CSMD1: variants seen among roughly 807,000 people sequenced by gnomAD.
CSMD1 encodes CUB and sushi domain-containing protein 1.
In CSMD1, 213 loss-of-function variants were observed where a neutral mutation model predicts 417.5. The ratio of observed to expected loss-of-function variants is 0.51; its 90% confidence interval spans 0.46 to 0.57. CSMD1 has a LOEUF of 0.57. CSMD1 is among the 20% of genes least tolerant of loss of function. The pLI is 0.00. For missense variants in CSMD1, 6,923 were observed against 4,529.7 expected (o/e 1.53, Z -15.17); for synonymous variants, 2,862 against 1,736.8 (o/e 1.65, Z -16.11).
intron 1 of CSMD1, among the ~76,000 whole-genome samples, chr8:4,730,947 C>T (rs1280492090): frequency 4.6e-5 from 7 of 152,152 alleles, no homozygotes; most frequent in African/African-American, 1.7e-4. Context: ...GGCCAGTGTT[C>T]CTGCCTATTG....
At chr8:3,895,166 C>G (rs560936676) in intron 5 of CSMD1, among the ~76,000 whole-genome samples, 258 of 152,238 alleles carry the variant, frequency 1.7e-3, no homozygotes, top group Admixed American at 3.0e-3. Flanking sequence ...ATCACTAATT[C>G]AGAGACACCA....
rs889449578 is a variant in CSMD1, at chr8:2,942,504, T to C, written c.10503A>G (p.Leu3501=). 4.3e-6 allele frequency: 7 copies of C among 1,613,032 alleles called. No individual in the cohort carries two copies. Among genetic ancestry groups the C allele is most frequent in the African/African-American group, 1.3e-5 (1 of 74,982 alleles). The part of the protein sequence containing the change: ...AILVPFFALI[L]SGFAFYLYKH... Reference sequence around the variant, plus strand: ...TGTAGAGGTAAAATGCAAACCCTGATAAAATTAGAGCAAAGAAAGGAACCA... The same window carrying C: ...TGTAGAGGTAAAATGCAAACCCTGACAAAATTAGAGCAAAGAAAGGAACCA... Residue 3501 remains leucine, a synonymous_variant, in exon 69 of 70, where the codon TTA becomes TTG. Coordinates refer to ENST00000635120, the MANE Select transcript of CSMD1 (RefSeq NM_033225.6).
intron 10 of CSMD1, among the ~76,000 whole-genome samples, chr8:3,568,631 T>C (rs560566916): frequency 4.6e-4 from 70 of 152,256 alleles, no homozygotes; most frequent in African/African-American, 1.6e-3. Context: ...TTGAGAGCTA[T>C]ATAACAGAAA....
intron 3 of CSMD1, among the ~76,000 whole-genome samples, chr8:4,156,213 G>A (rs967350918): frequency 6.6e-6 from 1 of 152,176 alleles, no homozygotes; most frequent in Non-Finnish European, 1.5e-5. Context: ...GGATCACTGT[G>A]ATATCCTTGG....
intron 3 of CSMD1, among the ~76,000 whole-genome samples, chr8:4,301,015 G>C (rs573222641): frequency 2.0e-5 from 3 of 152,114 alleles, no homozygotes; most frequent in African/African-American, 7.2e-5. Flanking sequence ...TGTCTTTATA[G>C]CAGCATGATA....
At chr8:4,728,740 A>G (rs1240412908) in intron 1 of CSMD1, among the ~76,000 whole-genome samples, 5 of 152,116 alleles carry the variant, frequency 3.3e-5, no homozygotes, top group Admixed American at 6.5e-5. Flanking sequence ...TGCTCAATTA[A>G]TATTTCTAAA....
At chr8:4,607,607 T>G (rs543516656) in intron 2 of CSMD1, among the ~76,000 whole-genome samples, 1 of 152,100 alleles carries the variant, frequency 6.6e-6, no homozygotes, top group Non-Finnish European at 1.5e-5. Flanking sequence ...TCCGCCAACA[T>G]CATGAGAGTT....
Position 3,988,136 on chromosome 8 carries a change from T to A in CSMD1, c.818+9767A>T, listed in dbSNP as rs964167600. On this transcript the variant is annotated intron_variant, in intron 5 of 69. Transcript: ENST00000635120. ...TGATGTCACCTCTTATTCATAGTCA[T>A]CTGCTGGGCAGTTGGGCTGGTTCAG... Among the ~76,000 whole-genome samples the A allele has an allele frequency of 5.3e-5, 8 of 152,300 alleles. 2 individuals are homozygous for A. In the South Asian group the frequency reaches 1.7e-3, roughly 32 times the overall value.
chr8:3,514,940 G>C (rs962599404), intron 10 of CSMD1, among the ~76,000 whole-genome samples: 4 of 152,216 alleles, frequency 2.6e-5, no homozygotes, highest in Admixed American at 6.5e-5. Flanking sequence ...AAATGTATTT[G>C]AATTGATAAA....
At chr8:3,899,540 T>C (rs748460206) in intron 5 of CSMD1, among the ~76,000 whole-genome samples, 4 of 152,120 alleles carry the variant, frequency 2.6e-5, no homozygotes, top group Non-Finnish European at 5.9e-5. Context: ...TGGAAAAACA[T>C]CTAAGGACAT....
chr8:4,589,687 T>C (rs956524359), intron 2 of CSMD1, among the ~76,000 whole-genome samples: 7 of 152,198 alleles, frequency 4.6e-5, no homozygotes, highest in South Asian at 2.1e-4. Flanking sequence ...ACCTCCGCAA[T>C]TGTTGAATGG....
chr8:3,425,372 G>T (rs1196281180), intron 12 of CSMD1, among the ~76,000 whole-genome samples: 1 of 151,938 alleles, frequency 6.6e-6, no homozygotes, highest in Non-Finnish European at 1.5e-5. Context: ...CGTGGATCAC[G>T]AGGTCAAGAG....
At chr8:4,258,094 C>T (rs1427924008) in intron 3 of CSMD1, among the ~76,000 whole-genome samples, 8 of 151,594 alleles carry the variant, frequency 5.3e-5, no homozygotes, top group African/African-American at 1.9e-4. Context: ...CAGGCCCGTG[C>T]TACCATTCCC....
At chr8:4,215,393 T>A (rs1026388473) in intron 3 of CSMD1, among the ~76,000 whole-genome samples, 80 of 152,282 alleles carry the variant, frequency 5.3e-4, no homozygotes, top group African/African-American at 1.9e-3. Flanking sequence ...GAATAACAGA[T>A]TCAGGCAAAG....
chr8:3,656,724 G>C (rs974432146), intron 7 of CSMD1, among the ~76,000 whole-genome samples: 1 of 152,090 alleles, frequency 6.6e-6, no homozygotes, highest in Non-Finnish European at 1.5e-5. Context: ...TCAGCAGTCC[G>C]AGACCAGCCT....
intron 1 of CSMD1, among the ~76,000 whole-genome samples, chr8:4,835,860 T>C (rs1800446072): frequency 6.6e-6 from 1 of 151,932 alleles, no homozygotes; most frequent in Non-Finnish European, 1.5e-5. Context: ...CTATGGTCAC[T>C]AAGTGTTGGT....
intron 2 of CSMD1, among the ~76,000 whole-genome samples, chr8:4,446,397 A>G (rs991237163): frequency 6.6e-6 from 1 of 151,816 alleles, no homozygotes; most frequent in Non-Finnish European, 1.5e-5. Context: ...AAACAAACAA[A>G]AGTAGCCATG....
intron 2 of CSMD1, among the ~76,000 whole-genome samples, chr8:4,470,440 A>G (rs183941588): frequency 1.3e-5 from 2 of 152,350 alleles, no homozygotes; most frequent in African/African-American, 2.4e-5. Context: ...TAGTGCTGCT[A>G]TGTAGACAGG....
chr8:3,013,388 G>A (rs1414564310), intron 52 of CSMD1, among the ~76,000 whole-genome samples: 1 of 152,142 alleles, frequency 6.6e-6, no homozygotes, highest in Non-Finnish European at 1.5e-5. Context: ...TCTTTCACCT[G>A]ATAGCATTTT....
Sources: gnomAD v4.1 joint callset for allele counts (sites outside exome capture counted in the v4.1 genomes callset) on GRCh38, gnomAD v4.1.1 for gene constraint, MANE v1.5 for transcripts, NCBI Gene and HGNC (gene_info 2026-07-23, HGNC 2026-07-21) for gene names.